The following TRMT2B variants were observed in gnomAD, a reference collection of about 807,000 sequenced individuals.
TRMT2B encodes the protein tRNA methyltransferase 2B.
In TRMT2B, 34 loss-of-function variants were observed where a neutral mutation model predicts 39.7. That is an observed-to-expected ratio of 0.86 (90% CI 0.65 to 1.14). TRMT2B has a LOEUF of 1.14. TRMT2B is among the 50% of genes most tolerant of loss of function. TRMT2B has a pLI of 0.00. For missense variants in TRMT2B, 318 were observed against 377.2 expected, an observed-to-expected ratio of 0.84 and a Z score of 1.30; for synonymous variants, 132 against 137.3, an observed-to-expected ratio of 0.96 and a Z score of 0.27.
the TRMT2B span, chrX:100,985,811 T>A: frequency 8.3e-7 from 1 of 1,211,671 alleles, no homozygotes; most frequent in South Asian, 1.8e-5. Flanking sequence ...GCCCATGGGC[T>A]TGTTTTCGTC....
downstream of TRMT2B, among the ~76,000 whole-genome samples, chrX:101,008,094 G>A (rs181926085): frequency 9.0e-6 from 1 of 111,281 alleles, no homozygotes; most frequent in East Asian, 2.8e-4. Flanking sequence ...ACATGTTTAA[G>A]GGAAAGATGG....
At chrX:101,036,332 G>A (rs1355690189) in intron 6 of TRMT2B, among the ~76,000 whole-genome samples, 1 of 107,713 alleles carries the variant, frequency 9.3e-6, no homozygotes, top group Non-Finnish European at 1.9e-5. Context: ...TGTAATCCCA[G>A]CTACTCAGAG....
At chrX:101,006,281 T>G (rs2147985681), downstream of TRMT2B, among the ~76,000 whole-genome samples, 1 of 111,671 alleles carries the variant, frequency 9.0e-6, no homozygotes, top group East Asian at 2.8e-4. Flanking sequence ...CACACTTTGG[T>G]ATAAACTCCT....
At chrX:100,974,151 C>T in the TRMT2B span, 1 of 1,192,899 alleles carries the variant, frequency 8.4e-7, no homozygotes, top group Non-Finnish European at 1.1e-6. Context: ...CTATCATTGG[C>T]TTGAACAACT....
intron 2 of TRMT2B, among the ~76,000 whole-genome samples, chrX:101,042,641 T>C (rs973566989): frequency 8.9e-6 from 1 of 111,950 alleles, no homozygotes; most frequent in Non-Finnish European, 1.9e-5. Context: ...GTGCTTACTA[T>C]GTGCAAGACA....
chrX:101,050,664 C>T (rs769311521), intron 2 of TRMT2B, among the ~76,000 whole-genome samples: 7 of 110,278 alleles, frequency 6.3e-5, no homozygotes, highest in African/African-American at 1.3e-4. Flanking sequence ...GCAGAGGTTG[C>T]GGTGAGGCGA....
At chrX:101,034,890 G>A (rs905380018) in intron 7 of TRMT2B, among the ~76,000 whole-genome samples, 6 of 111,636 alleles carry the variant, frequency 5.4e-5, no homozygotes, top group African/African-American at 2.0e-4. Context: ...AAAGTAGCTG[G>A]GTGTGGTGGC....
the TRMT2B span, chrX:100,990,659 T>A: frequency 9.9e-7 from 1 of 1,005,374 alleles, no homozygotes; most frequent in Non-Finnish European, 1.4e-6. Context: ...ACAGAGACTT[T>A]ACATCTTTGT....
the TRMT2B span, among the ~76,000 whole-genome samples, chrX:100,993,768 G>GA: frequency 1.8e-5 from 2 of 111,236 alleles, no homozygotes; most frequent in South Asian, 3.8e-4. Context: ...GTCATGTAAA[G>GA]AAAAAAAATC....
chrX:100,977,971 A>G, the TRMT2B span, among the ~76,000 whole-genome samples: 2 of 112,141 alleles, frequency 1.8e-5, no homozygotes, highest in African/African-American at 6.5e-5. Context: ...TAAACATGGG[A>G]CACCAGATAT....
the TRMT2B span, chrX:100,987,008 C>A: frequency 2.1e-6 from 1 of 475,666 alleles, no homozygotes. Flanking sequence ...AAAGTCTCTC[C>A]CTGTCAGGCA....
chrX:101,041,292 G>A, intron 4 of TRMT2B, 25 bp downstream of exon 4: 1 of 1,201,085 alleles, frequency 8.3e-7, no homozygotes, highest in Non-Finnish European at 1.1e-6. Context: ...GAAAGGAGGG[G>A]TAAAGACTTA....
intron 7 of TRMT2B, among the ~76,000 whole-genome samples, chrX:101,033,042 G>A (rs1427821030): frequency 9.1e-6 from 1 of 109,986 alleles, no homozygotes; most frequent in Non-Finnish European, 1.9e-5. Context: ...AATCACCTGA[G>A]GTCAGGAGTT....
chrX:101,036,462 A>AG (rs1367570128), intron 6 of TRMT2B, among the ~76,000 whole-genome samples: 7 of 108,271 alleles, frequency 6.5e-5, no homozygotes, highest in Non-Finnish European at 1.3e-4. Flanking sequence ...AAAAAAAAAA[A>AG]AAAGCTCAGG....
At chrX:101,031,568 C>T (rs1464065149) in intron 7 of TRMT2B, among the ~76,000 whole-genome samples, 3 of 110,766 alleles carry the variant, frequency 2.7e-5, no homozygotes, top group South Asian at 7.6e-4. Flanking sequence ...ATTAGCTGGG[C>T]GTGGTGGCAT....
At chrX:101,028,221 C>T (rs1051594926) in intron 7 of TRMT2B, among the ~76,000 whole-genome samples, 6 of 105,069 alleles carry the variant, frequency 5.7e-5, no homozygotes, top group Non-Finnish European at 9.7e-5. Context: ...TGGATTCAAG[C>T]GATTCCCCTG....
the TRMT2B span, among the ~76,000 whole-genome samples, chrX:100,974,669 G>C: frequency 1.3e-3 from 144 of 111,715 alleles, no homozygotes; most frequent in African/African-American, 4.6e-3. Context: ...CTAATATAGA[G>C]AGTTGGAGCT....
Position 101,051,698 on chromosome X carries a change from C to T in TRMT2B, c.-471G>A, listed in dbSNP as rs760663492. The T allele has an allele frequency of 1.3e-6, 1 of 754,031 alleles. No individual in the cohort carries two copies. Among genetic ancestry groups the T allele is most frequent in the South Asian group, 6.8e-5 (1 of 14,806 alleles). 62.1% of individuals were successfully genotyped at this position (754,031 alleles called of 1,213,427 possible). On this transcript the variant is annotated 5_prime_UTR_variant, in exon 2 of 14. Transcript: ENST00000372936. The stretch of plus-strand genomic sequence containing the variant: ...CAGCCCCGCCTGCCTCCTCCATTCC[C>T]CGCCCCGCGGACAGTTTGGCATAGT...
the TRMT2B span, among the ~76,000 whole-genome samples, chrX:101,000,598 T>C: frequency 9.1e-6 from 1 of 110,102 alleles, no homozygotes; most frequent in Non-Finnish European, 1.9e-5. Context: ...AAACCAGTGC[T>C]CAGAACACCT....
Sources: gnomAD v4.1 joint callset for allele counts (sites outside exome capture counted in the v4.1 genomes callset) on GRCh38, gnomAD v4.1.1 for gene constraint, MANE v1.5 for transcripts, NCBI Gene and HGNC (gene_info 2026-07-23, HGNC 2026-07-21) for gene names.